The following ROBO1 variants were observed in gnomAD, a reference collection of about 807,000 sequenced individuals.
The protein encoded by ROBO1 is roundabout guidance receptor 1.
In ROBO1, 149 loss-of-function variants were observed where a neutral mutation model predicts 195.9. That is an observed-to-expected ratio of 0.76 (90% CI 0.67 to 0.87). The LOEUF (loss-of-function observed/expected upper bound fraction) is 0.87, where lower values mean the gene tolerates loss of function less well. Ranked by LOEUF, ROBO1 falls within the 40% of genes least tolerant of loss-of-function variation. The pLI, the probability that ROBO1 is intolerant of heterozygous loss-of-function variation, is 0.00. For missense variants in ROBO1, 1,933 were observed against 2,068.3 expected (o/e 0.93, Z 1.27); for synonymous variants, 816 against 733.2 (o/e 1.11, Z -1.82).
chr3:79,756,956 G>C (rs113836560), intron 1 of ROBO1, among the ~76,000 whole-genome samples: 3,658 of 152,050 alleles, frequency 0.024, 96 homozygotes, highest in Admixed American at 0.073. Context: ...TGTTTTCAAA[G>C]TTCACCCACA....
intron 2 of ROBO1, among the ~76,000 whole-genome samples, chr3:79,237,394 T>C (rs1351017118): frequency 6.6e-6 from 1 of 151,044 alleles, no homozygotes; most frequent in Non-Finnish European, 1.5e-5. Flanking sequence ...GGCAGGAGAA[T>C]GGCGGGAACC....
chr3:78,750,494 T>TAAATAAATA (rs1553719147), intron 4 of ROBO1, among the ~76,000 whole-genome samples: 4 of 138,890 alleles, frequency 2.9e-5, no homozygotes, highest in East Asian at 2.0e-4. Flanking sequence ...AATAAATAAA[T>TAAATAAATA]AAATAAAATA....
At chr3:78,805,291 T>C (rs1458568838) in intron 4 of ROBO1, among the ~76,000 whole-genome samples, 2 of 152,172 alleles carry the variant, frequency 1.3e-5, no homozygotes, top group African/African-American at 4.8e-5. Context: ...TTGTGAAATA[T>C]ATTTCCCTGA....
intron 3 of ROBO1, among the ~76,000 whole-genome samples, chr3:79,058,423 C>A (rs955941238): frequency 2.6e-5 from 4 of 152,026 alleles, no homozygotes; most frequent in African/African-American, 9.7e-5. Context: ...TGATACTCCC[C>A]ATTCTGAGCC....
intron 3 of ROBO1, among the ~76,000 whole-genome samples, chr3:79,039,896 A>G (rs2078453553): frequency 6.7e-6 from 1 of 150,314 alleles, no homozygotes; most frequent in South Asian, 2.1e-4. Context: ...TTGTAAAATG[A>G]GGACAATAAT....
At chr3:79,185,911 A>G (rs908252249) in intron 2 of ROBO1, among the ~76,000 whole-genome samples, 1 of 152,144 alleles carries the variant, frequency 6.6e-6, no homozygotes, top group Non-Finnish European at 1.5e-5. Context: ...TGTAAATTTT[A>G]TGTCACCAGA....
At chr3:79,175,213 A>C (rs2081244616) in intron 2 of ROBO1, among the ~76,000 whole-genome samples, 1 of 152,208 alleles carries the variant, frequency 6.6e-6, no homozygotes, top group East Asian at 1.9e-4. Flanking sequence ...TTATAATAAA[A>C]TTAGTATAGC....
chr3:78,676,996 C>G (rs1401758041), intron 10 of ROBO1, among the ~76,000 whole-genome samples: 1 of 152,092 alleles, frequency 6.6e-6, no homozygotes, highest in African/African-American at 2.4e-5. Flanking sequence ...ACCCTACAAG[C>G]CAGAAGAGAG....
intron 1 of ROBO1, among the ~76,000 whole-genome samples, chr3:79,620,845 C>T (rs1476633820): frequency 2.6e-5 from 4 of 152,018 alleles, no homozygotes; most frequent in African/African-American, 9.7e-5. Context: ...TGTTATCACC[C>T]ACCTGTTACA....
intron 3 of ROBO1, among the ~76,000 whole-genome samples, chr3:78,942,522 T>C (rs2040195831): frequency 1.3e-5 from 2 of 152,018 alleles, no homozygotes. Context: ...GCAGTCTCAC[T>C]GAAGGCAGGG....
chr3:79,471,632 G>C (rs1028197444), intron 2 of ROBO1, among the ~76,000 whole-genome samples: 8 of 151,986 alleles, frequency 5.3e-5, no homozygotes, highest in African/African-American at 1.9e-4. Flanking sequence ...AATTTTCTTT[G>C]ATCAAGGTCT....
At chr3:78,736,674 A>G (rs1448661912) in intron 5 of ROBO1, among the ~76,000 whole-genome samples, 3 of 152,182 alleles carry the variant, frequency 2.0e-5, no homozygotes, top group African/African-American at 7.2e-5. Context: ...GCTCACTGAA[A>G]TTATCTTTTT....
At chr3:78,937,061 A>G (rs1483520100) in intron 4 of ROBO1, among the ~76,000 whole-genome samples, 1 of 152,108 alleles carries the variant, frequency 6.6e-6, no homozygotes, top group Non-Finnish European at 1.5e-5. Flanking sequence ...GTTTTAACAC[A>G]GTTTAAAATG....
At chr3:78,736,179 A>G (rs1359458212) in intron 5 of ROBO1, among the ~76,000 whole-genome samples, 1 of 152,164 alleles carries the variant, frequency 6.6e-6, no homozygotes, top group Non-Finnish European at 1.5e-5. Flanking sequence ...AAATAAAATT[A>G]ACAAAATCAT....
At chr3:79,352,903 TCAAA>T (rs1212411010) in intron 2 of ROBO1, among the ~76,000 whole-genome samples, 1 of 152,194 alleles carries the variant, frequency 6.6e-6, no homozygotes, top group Non-Finnish European at 1.5e-5. Flanking sequence ...TTTAAAAATC[TCAAA>T]CAGAATATAA....
chr3:79,555,110 T>G (rs1348463251), intron 2 of ROBO1, among the ~76,000 whole-genome samples: 1 of 152,082 alleles, frequency 6.6e-6, no homozygotes, highest in Non-Finnish European at 1.5e-5. Flanking sequence ...TCATATGGTT[T>G]CATGAGGAGT....
chr3:78,907,971 C>T (rs1053776882), intron 4 of ROBO1, among the ~76,000 whole-genome samples: 30 of 151,676 alleles, frequency 2.0e-4, no homozygotes, highest in Non-Finnish European at 1.6e-4. Context: ...CTGTATGCCG[C>T]CCAAAGTATC....
intron 1 of ROBO1, among the ~76,000 whole-genome samples, chr3:79,653,112 A>G (rs892448243): frequency 3.3e-5 from 5 of 151,856 alleles, no homozygotes; most frequent in Middle Eastern, 3.2e-3. Context: ...GAAAAAATCA[A>G]TTCCATATCA....
intron 2 of ROBO1, among the ~76,000 whole-genome samples, chr3:79,447,265 C>T (rs922894678): frequency 1.3e-5 from 2 of 151,962 alleles, no homozygotes; most frequent in Non-Finnish European, 1.5e-5. Flanking sequence ...ATTGAAGAAA[C>T]TGAGAATGTA....
Sources: allele counts gnomAD v4.1 joint callset (sites outside exome capture counted in the v4.1 genomes callset), GRCh38; gene constraint gnomAD v4.1.1; transcripts MANE v1.5; gene names NCBI Gene and HGNC (gene_info 2026-07-23, HGNC 2026-07-21).